Variants in MLLT10 observed in about 807,000 individuals in gnomAD.
MLLT10 encodes protein AF-10.
Under a neutral mutation model 129.1 loss-of-function variants are expected in MLLT10, and 30 were observed. The ratio of observed to expected loss-of-function variants is 0.23; its 90% CI spans 0.17 to 0.32. The LOEUF is 0.32. Ranked by LOEUF, MLLT10 falls within the 10% of genes least tolerant of loss-of-function variation. The probability of loss-of-function intolerance (pLI) is 1.00; values close to 1 mark genes in which losing one functional copy is unlikely to be tolerated. For synonymous variants in MLLT10, 490 were observed against 446.4 expected (o/e 1.10, Z -1.23); for missense variants, 1,119 against 1,268.3 (o/e 0.88, Z 1.79).
intron 8 of MLLT10, among the ~76,000 whole-genome samples, chr10:21,622,666 G>GGAAA (rs2046000461): frequency 6.6e-6 from 1 of 152,136 alleles, no homozygotes; most frequent in African/African-American, 2.4e-5. Context: ...ATTAGTAAAA[G>GGAAA]GAAAGCATGC....
chr10:21,556,615 A>G (rs1183514520), intron 3 of MLLT10: 2 of 1,571,380 alleles, frequency 1.3e-6, no homozygotes, highest in Non-Finnish European at 1.7e-6. Context: ...TATGTAGTGA[A>G]TAAGGGATTG....
At position 21,731,182 on chromosome 10, in the gene MLLT10, G is replaced by C. The variant is rs921562493; in HGVS notation, c.2218+128G>C. The C allele has an allele frequency of 8.3e-6, 7 of 846,336 alleles. No homozygotes were observed. In the African/African-American group the frequency reaches 1.0e-4, roughly 13 times the overall value. 52.4% of individuals were successfully genotyped at this position (846,336 alleles called of 1,614,324 possible). A position where few individuals can be genotyped will look rare whatever the true frequency, so the allele number is the denominator to read the frequency against. On this transcript the variant is annotated intron_variant, in intron 17 of 22. Transcript: ENST00000307729. Reference sequence around the variant, plus strand: ...TATGATATACATTTTATATAATACAGTGAGAGAAAGTATAAGGTGAAGTGG... The same window carrying C: ...TATGATATACATTTTATATAATACACTGAGAGAAAGTATAAGGTGAAGTGG...
intron 3 of MLLT10, among the ~76,000 whole-genome samples, chr10:21,544,017 T>G (rs758412947): frequency 1.1e-4 from 16 of 152,256 alleles, no homozygotes; most frequent in Non-Finnish European, 1.8e-4. Flanking sequence ...GCTAACTTTT[T>G]GAGTGTTTAC....
At chr10:21,538,382 T>A (rs749981284) in intron 2 of MLLT10, among the ~76,000 whole-genome samples, 19 of 151,918 alleles carry the variant, frequency 1.3e-4, no homozygotes, top group Non-Finnish European at 2.5e-4. Flanking sequence ...AGGCTGGTCT[T>A]GAACTCCCAA....
intron 3 of MLLT10, among the ~76,000 whole-genome samples, chr10:21,539,296 C>A (rs773152752): frequency 2.0e-5 from 3 of 152,036 alleles, no homozygotes; most frequent in Non-Finnish European, 4.4e-5. Context: ...GGGAAAAAAA[C>A]CCAATAATTT....
intron 9 of MLLT10, among the ~76,000 whole-genome samples, chr10:21,659,483 T>C (rs910184665): frequency 1.3e-5 from 2 of 151,502 alleles, no homozygotes; most frequent in Non-Finnish European, 2.9e-5. Flanking sequence ...TGCCCTTCAC[T>C]GGGCTACTTT....
rs1038837617 is a variant in MLLT10 at position 21,666,239 on chromosome 10, A to T, written c.796-4210A>T. On this transcript the variant is annotated intron_variant, in intron 9 of 22. Coordinates refer to ENST00000307729, the MANE Select transcript of MLLT10 (RefSeq NM_001195626.3). ...AATATTATACTAGTTTACATAAAGT[A>T]TAAGAACCTTGTAGCTGTATACTTC... 2.0e-5 allele frequency among the ~76,000 whole-genome samples: 3 copies of T among 152,170 alleles called. No individual in the cohort carries two copies. In the East Asian group the frequency reaches 5.8e-4, roughly 29 times the overall value.
At position 21,733,720 on chromosome 10, in the gene MLLT10, T is replaced by C. The variant is rs781097354; in HGVS notation, c.2497-48T>C. 1.9e-5 allele frequency: 29 copies of C among 1,553,150 alleles called. 1 individual carries two copies. The South Asian group carries it at 2.9e-4, about 15-fold the overall frequency. ...ACTTAGTTTCTCTTCTTTCTTACGC[T>C]GGGACTTAATGTCCAGTGGACTTAG... On this transcript the variant is annotated intron_variant, in intron 19 of 22. Transcript: ENST00000307729.
At chr10:21,583,374 C>T (rs2041666801) in intron 3 of MLLT10, among the ~76,000 whole-genome samples, 1 of 151,942 alleles carries the variant, frequency 6.6e-6, no homozygotes. Flanking sequence ...GGAATTTCAC[C>T]ATTTAAAGGT....
intron 16 of MLLT10, 88 bp downstream of exon 16, chr10:21,728,016 T>G: frequency 9.6e-7 from 1 of 1,042,568 alleles, no homozygotes; most frequent in Non-Finnish European, 1.4e-6. Flanking sequence ...GAGTGTACAT[T>G]TGTGAGGCTA....
intron 13 of MLLT10, among the ~76,000 whole-genome samples, chr10:21,696,163 G>C (rs1240652948): frequency 6.6e-6 from 1 of 151,272 alleles, no homozygotes; most frequent in African/African-American, 2.4e-5. Context: ...TGGCCTTTAA[G>C]TTTTATTGCT....
At chr10:21,606,369 A>G (rs114771094) in intron 5 of MLLT10, among the ~76,000 whole-genome samples, 2,873 of 152,332 alleles carry the variant, frequency 0.019, 85 homozygotes, top group African/African-American at 0.065. Flanking sequence ...TCAATTTGAC[A>G]TAGAAGTCTG....
intron 11 of MLLT10, among the ~76,000 whole-genome samples, chr10:21,677,439 A>T (rs188332869): frequency 6.8e-4 from 104 of 152,316 alleles, no homozygotes; most frequent in African/African-American, 2.4e-3. Flanking sequence ...ATAAATACCC[A>T]AGTCCAAGAT....
rs77377727 is a variant in MLLT10, at chr10:21,741,275, C to T, written c.3163-664C>T. The stretch of plus-strand genomic sequence containing the variant: ...ATTGAGTTCTTTGGTAGTATTTTTT[C>T]CCCCCCAGTGTTTCACCAAGTGTTT... On this transcript the variant is annotated intron_variant, in intron 22 of 22. Coordinates refer to ENST00000307729, the MANE Select transcript of MLLT10 (RefSeq NM_001195626.3). Among the ~76,000 whole-genome samples the T allele has an allele frequency of 4.0e-4, 7 of 17,696 alleles. No homozygotes were observed. The South Asian group carries it at 0.013, about 32-fold the overall frequency. 11.6% of individuals were successfully genotyped at this position (17,696 alleles called of 152,430 possible).
At chr10:21,603,047 T>A (rs1223251487) in intron 5 of MLLT10, among the ~76,000 whole-genome samples, 1 of 151,408 alleles carries the variant, frequency 6.6e-6, no homozygotes, top group Non-Finnish European at 1.5e-5. Context: ...TAACTCTTAA[T>A]CAAAAAATTT....
chr10:21,534,511 C>G lies in MLLT10; in HGVS notation c.-10C>G, dbSNP rs562965377. ...GTGCGGAACGTGAGTGACTGAGCGG[C>G]AAAGCCCGAGTGAGCGAGCGGTGGG... On this transcript the variant is annotated 5_prime_UTR_variant, in exon 1 of 23. Coordinates refer to ENST00000307729, the MANE Select transcript of MLLT10 (RefSeq NM_001195626.3). The G allele has an allele frequency of 3.1e-6, 3 of 954,936 alleles. No individual in the cohort carries two copies. The South Asian group carries it at 5.1e-5, about 16-fold the overall frequency. 59.2% of individuals were successfully genotyped at this position (954,936 alleles called of 1,614,324 possible).
chr10:21,719,024 A>G (rs936801896), intron 14 of MLLT10, among the ~76,000 whole-genome samples: 1 of 152,134 alleles, frequency 6.6e-6, no homozygotes, highest in African/African-American at 2.4e-5. Flanking sequence ...GCCTGGGCAT[A>G]TTTCTGTATT....
intron 9 of MLLT10, among the ~76,000 whole-genome samples, chr10:21,652,971 GT>G (rs2049198082): frequency 6.6e-6 from 1 of 152,178 alleles, no homozygotes; most frequent in Admixed American, 6.5e-5. Context: ...AAGATTTTGG[GT>G]CAGATCACTA....
intron 11 of MLLT10, among the ~76,000 whole-genome samples, chr10:21,676,306 A>G (rs1243828693): frequency 6.6e-6 from 1 of 151,696 alleles, no homozygotes; most frequent in African/African-American, 2.4e-5. Flanking sequence ...AGTCCTAGCT[A>G]CTCGGAGAGG....
Sources: allele counts gnomAD v4.1 joint callset (sites outside exome capture counted in the v4.1 genomes callset), GRCh38; gene constraint gnomAD v4.1.1; transcripts MANE v1.5; gene names NCBI Gene and HGNC (gene_info 2026-07-23, HGNC 2026-07-21).